EPHB1: variants seen among roughly 807,000 people sequenced by gnomAD.
EPHB1 encodes the protein ephrin type-B receptor 1.
Under a neutral mutation model 94.4 loss-of-function variants are expected in EPHB1, and 30 were observed. That is an observed-to-expected ratio of 0.32 (90% CI 0.24 to 0.43). The LOEUF is 0.43. Ranked by LOEUF, EPHB1 falls within the 20% of genes least tolerant of loss-of-function variation. The probability of loss-of-function intolerance (pLI) is 1.00; values close to 1 mark genes in which losing one functional copy is unlikely to be tolerated. For synonymous variants in EPHB1, 522 were observed against 489.1 expected, an observed-to-expected ratio of 1.07 and a Z score of -0.89; for missense variants, 1,055 against 1,308.3, an observed-to-expected ratio of 0.81 and a Z score of 2.99.
At chr3:134,953,116 T>G (rs540518792) in intron 3 of EPHB1, among the ~76,000 whole-genome samples, 1 of 152,298 alleles carries the variant, frequency 6.6e-6, no homozygotes, top group East Asian at 1.9e-4. Flanking sequence ...TATTCTCCAT[T>G]GTGAGCCTCC....
chr3:134,874,366 G>C (rs1359980262), intron 1 of EPHB1, among the ~76,000 whole-genome samples: 4 of 152,138 alleles, frequency 2.6e-5, no homozygotes, highest in Non-Finnish European at 4.4e-5. Context: ...GGCCTATTGG[G>C]GGGTGGAGGG....
At chr3:135,200,485 G>T (rs1339033701) in intron 11 of EPHB1, among the ~76,000 whole-genome samples, 1 of 152,198 alleles carries the variant, frequency 6.6e-6, no homozygotes, top group Admixed American at 6.5e-5. Flanking sequence ...ACCAGTCTAA[G>T]GGCTGAAAGC....
At chr3:135,168,778 G>A (rs1941725404) in intron 9 of EPHB1, among the ~76,000 whole-genome samples, 1 of 152,212 alleles carries the variant, frequency 6.6e-6, no homozygotes, top group Admixed American at 6.5e-5. Context: ...TCCTGTGAAT[G>A]CTGTGGATGA....
chr3:134,925,591 G>A (rs40526), intron 1 of EPHB1, among the ~76,000 whole-genome samples: 34,399 of 151,954 alleles, frequency 0.23, 6,425 homozygotes, highest in African/African-American at 0.52. Context: ...AGCATCAGAC[G>A]TGAAGTCTGT....
chr3:134,911,839 T>TG (rs1489727696), intron 1 of EPHB1, among the ~76,000 whole-genome samples: 4 of 152,176 alleles, frequency 2.6e-5, no homozygotes, highest in African/African-American at 9.7e-5. Flanking sequence ...CTTCCCTGAC[T>TG]GGTTGCCCCT....
intron 1 of EPHB1, among the ~76,000 whole-genome samples, chr3:134,826,725 A>G (rs2036485563): frequency 6.6e-6 from 1 of 152,164 alleles, no homozygotes; most frequent in African/African-American, 2.4e-5. Context: ...CAGGGAGTAC[A>G]AAGTAGTTTG....
chr3:134,953,504 A>G (rs537882006), intron 3 of EPHB1, among the ~76,000 whole-genome samples: 1 of 152,194 alleles, frequency 6.6e-6, no homozygotes. Context: ...TCTTTGTCCC[A>G]TTGGTTGGGA....
chr3:134,928,977 T>C (rs929873331), intron 2 of EPHB1, among the ~76,000 whole-genome samples: 1 of 151,982 alleles, frequency 6.6e-6, no homozygotes, highest in African/African-American at 2.4e-5. Flanking sequence ...AAGAACCCTA[T>C]GGTTAAGTAT....
chr3:134,934,247 A>G (rs2038958054), intron 2 of EPHB1, among the ~76,000 whole-genome samples: 1 of 152,226 alleles, frequency 6.6e-6, no homozygotes, highest in Non-Finnish European at 1.5e-5. Context: ...AGGCACTTAA[A>G]ACATTTTTTA....
intron 3 of EPHB1, among the ~76,000 whole-genome samples, chr3:134,986,644 A>T (rs1164276909): frequency 6.6e-6 from 1 of 151,890 alleles, no homozygotes; most frequent in Admixed American, 6.6e-5. Flanking sequence ...TGTTCTTCAG[A>T]CTTTGCGGCC....
intron 1 of EPHB1, among the ~76,000 whole-genome samples, chr3:134,828,418 T>C (rs2036524948): frequency 6.6e-6 from 1 of 152,238 alleles, no homozygotes; most frequent in African/African-American, 2.4e-5. Flanking sequence ...TTTGCTCTTT[T>C]CCTGGTTAGT....
chr3:134,979,802 A>AG (rs2107732845), intron 3 of EPHB1, among the ~76,000 whole-genome samples: 1 of 151,558 alleles, frequency 6.6e-6, no homozygotes, highest in East Asian at 1.9e-4. Flanking sequence ...TGTTTTGTAG[A>AG]GGGAAAAAAA....
At chr3:134,887,852 G>C (rs1174385798) in intron 1 of EPHB1, among the ~76,000 whole-genome samples, 1 of 152,218 alleles carries the variant, frequency 6.6e-6, no homozygotes, top group East Asian at 1.9e-4. Context: ...AGAGAAGACA[G>C]GTACTATTTC....
At chr3:135,134,553 C>T (rs575158910) in intron 5 of EPHB1, among the ~76,000 whole-genome samples, 5 of 152,060 alleles carry the variant, frequency 3.3e-5, no homozygotes, top group African/African-American at 7.2e-5. Flanking sequence ...TACATGCATA[C>T]GTGTGTAGTG....
intron 1 of EPHB1, among the ~76,000 whole-genome samples, chr3:134,882,555 A>C (rs1271841349): frequency 6.6e-6 from 1 of 152,250 alleles, no homozygotes; most frequent in African/African-American, 2.4e-5. Flanking sequence ...CCAGATGGCC[A>C]TAACACTGTT....
chr3:134,968,801 G>T (rs1183561343), intron 3 of EPHB1, among the ~76,000 whole-genome samples: 1 of 152,120 alleles, frequency 6.6e-6, no homozygotes, highest in Non-Finnish European at 1.5e-5. Flanking sequence ...TAAATGAAAT[G>T]ATGTATTATG....
intron 1 of EPHB1, among the ~76,000 whole-genome samples, chr3:134,900,912 A>G (rs1578182023): frequency 6.6e-6 from 1 of 152,320 alleles, no homozygotes; most frequent in South Asian, 2.1e-4. Flanking sequence ...CTCACATAGC[A>G]TACAGTTGCA....
rs567223181 is a variant in EPHB1 at position 134,795,267 on chromosome 3, C to T, written c.-365C>T. ...CCCGCTCCCTCCCGCGTCAGTCTGG[C>T]CGGCTCCGTCCTCCCGTAGGCTCCG... On this transcript the variant is annotated 5_prime_UTR_variant, in exon 1 of 16. Coordinates refer to ENST00000398015, the MANE Select transcript of EPHB1 (RefSeq NM_004441.5). The T allele has an allele frequency of 7.9e-6, 3 of 379,348 alleles. No homozygotes were observed. Among genetic ancestry groups the T allele is most frequent in the Non-Finnish European group, 9.5e-6 (2 of 210,578 alleles). The allele number at this position is 379,348 out of a possible 1,614,324, so 23.5% of individuals were successfully genotyped here.
chr3:135,248,214 A>AGAC (rs1380116110), intron 13 of EPHB1, 102 bp from the exon 14 acceptor site: 6 of 1,158,164 alleles, frequency 5.2e-6, no homozygotes, highest in Non-Finnish European at 7.2e-6. Context: ...AGGGCATCTG[A>AGAC]GACAGCCTGG....
Sources: allele counts gnomAD v4.1 joint callset (sites outside exome capture counted in the v4.1 genomes callset), GRCh38; gene constraint gnomAD v4.1.1; transcripts MANE v1.5; gene names NCBI Gene and HGNC (gene_info 2026-07-23, HGNC 2026-07-21).